Variants in MSI2 observed in about 807,000 individuals in gnomAD.
MSI2 encodes musashi RNA binding protein 2.
In MSI2, 17 loss-of-function variants were observed where a neutral mutation model predicts 45.6. The observed-to-expected ratio is 0.37, with a 90% confidence interval of 0.26 to 0.56. MSI2 has a LOEUF of 0.56. Ranked by LOEUF, MSI2 falls within the 20% of genes least tolerant of loss-of-function variation. MSI2 has a pLI of 0.77. For missense variants in MSI2, 293 were observed against 444.2 expected (o/e 0.66, Z 3.06); for synonymous variants, 156 against 158.2 (o/e 0.99, Z 0.11).
At chr17:57,554,465 T>C (rs928623611) in intron 7 of MSI2, among the ~76,000 whole-genome samples, 1 of 152,172 alleles carries the variant, frequency 6.6e-6, no homozygotes, top group Admixed American at 6.5e-5. Flanking sequence ...CCTCTCCTCC[T>C]CAGCAAGTAG....
intron 5 of MSI2, among the ~76,000 whole-genome samples, chr17:57,319,702 T>TC (rs34480223): frequency 6.6e-6 from 1 of 152,168 alleles, no homozygotes; most frequent in Non-Finnish European, 1.5e-5. Flanking sequence ...AGCCTCGACT[T>TC]CTGGGGCTTG....
chr17:57,411,320 T>C (rs2084192365), intron 6 of MSI2, among the ~76,000 whole-genome samples: 1 of 152,206 alleles, frequency 6.6e-6, no homozygotes, highest in South Asian at 2.1e-4. Flanking sequence ...TTTTATTCTT[T>C]AATAAGAGCA....
chr17:57,589,500 C>G (rs920984091), intron 7 of MSI2, among the ~76,000 whole-genome samples: 2 of 152,232 alleles, frequency 1.3e-5, no homozygotes, highest in African/African-American at 4.8e-5. Context: ...CTTGCCAAAC[C>G]TGCCATAGCT....
intron 6 of MSI2, among the ~76,000 whole-genome samples, chr17:57,460,589 T>C (rs1324458118): frequency 6.6e-6 from 1 of 152,054 alleles, no homozygotes; most frequent in Non-Finnish European, 1.5e-5. Flanking sequence ...GGGAGAGTAC[T>C]AATGGGACAT....
At chr17:57,503,629 G>T (rs1391347822) in intron 6 of MSI2, among the ~76,000 whole-genome samples, 2 of 152,226 alleles carry the variant, frequency 1.3e-5, no homozygotes, top group African/African-American at 4.8e-5. Context: ...ACGTTCATCC[G>T]TCAGTCAGTC....
chr17:57,443,332 C>T (rs575359505), intron 6 of MSI2, among the ~76,000 whole-genome samples: 113 of 152,284 alleles, frequency 7.4e-4, no homozygotes, highest in Non-Finnish European at 1.2e-3. Context: ...CCGTTTGTGC[C>T]GCGTGTTTGT....
At chr17:57,337,228 T>C (rs73995315) in intron 5 of MSI2, among the ~76,000 whole-genome samples, 2,497 of 152,320 alleles carry the variant, frequency 0.016, 70 homozygotes, top group African/African-American at 0.057. Flanking sequence ...AGTATTAGAC[T>C]AGGGCCCTGA....
At chr17:57,532,432 C>T (rs2086840854) in intron 7 of MSI2, 1 of 152,236 alleles carries the variant, frequency 6.6e-6, no homozygotes, top group African/African-American at 2.4e-5. Context: ...GTTCCAACCC[C>T]TCAAGATACC....
rs1382414181 is a variant in MSI2 at position 57,407,790 on chromosome 17, C to T, written c.405+6319C>T. 6.6e-6 allele frequency among the ~76,000 whole-genome samples: 1 copy of T among 152,214 alleles called. No homozygotes were observed. The highest frequency in any genetic ancestry group is 2.1e-4 in the South Asian group (1 of 4,832). ...CTACTTTTGTGTTTAAATTTTCTTC[C>T]TCTAATAGCCCAGAACAAAGCCAAC... On this transcript the variant is annotated intron_variant, in intron 6 of 13. Coordinates refer to ENST00000284073, the MANE Select transcript of MSI2 (RefSeq NM_138962.4). The surrounding 1 kb of genome is among the most constrained non-coding windows in gnomAD (Gnocchi z 4.1).
At chr17:57,502,614 T>TAG (rs2086135623) in intron 6 of MSI2, among the ~76,000 whole-genome samples, 1 of 108,568 alleles carries the variant, frequency 9.2e-6, no homozygotes, top group Non-Finnish European at 1.9e-5. Context: ...TATATATATA[T>TAG]ATATATATAT....
chr17:57,374,534 T>C (rs898662737), intron 5 of MSI2, among the ~76,000 whole-genome samples: 1 of 152,138 alleles, frequency 6.6e-6, no homozygotes, highest in East Asian at 1.9e-4. Context: ...CCCAGCACTT[T>C]GGGAGGCTGA....
intron 5 of MSI2, among the ~76,000 whole-genome samples, chr17:57,291,477 C>T (rs912590025): frequency 9.9e-5 from 15 of 152,176 alleles, no homozygotes; most frequent in Non-Finnish European, 2.1e-4. Flanking sequence ...ATAATATATA[C>T]AGGTGCTCCT....
intron 5 of MSI2, among the ~76,000 whole-genome samples, chr17:57,370,691 C>T (rs1734169927): frequency 6.6e-6 from 1 of 152,208 alleles, no homozygotes; most frequent in Non-Finnish European, 1.5e-5. Context: ...GATTTAACCT[C>T]TGTGAGCTGT....
intron 7 of MSI2, among the ~76,000 whole-genome samples, chr17:57,570,143 C>G (rs539739554): frequency 6.6e-6 from 1 of 152,224 alleles, no homozygotes; most frequent in East Asian, 1.9e-4. Flanking sequence ...CATAGTATTG[C>G]ACAAAAAAGC....
intron 5 of MSI2, among the ~76,000 whole-genome samples, chr17:57,273,473 TTTTTTTTTC>T (rs1453511000): frequency 7.1e-6 from 1 of 140,626 alleles, no homozygotes; most frequent in Non-Finnish European, 1.6e-5. Context: ...GATTTTTTTT[TTTTTTTTTC>T]TTTTACTGGA....
intron 7 of MSI2, among the ~76,000 whole-genome samples, chr17:57,565,119 G>C (rs1269916693): frequency 1.3e-5 from 2 of 152,162 alleles, no homozygotes; most frequent in African/African-American, 4.8e-5. Context: ...CATCAAAGGT[G>C]GTCTGACTTG....
chr17:57,632,109 G>A, intron 10 of MSI2: 2 of 1,244,826 alleles, frequency 1.6e-6, no homozygotes, highest in Non-Finnish European at 2.0e-6. Flanking sequence ...GGGGCCAGAG[G>A]GAAACTTCTC....
intron 7 of MSI2, among the ~76,000 whole-genome samples, chr17:57,559,061 T>TA (rs1250096015): frequency 4.0e-5 from 6 of 151,002 alleles, no homozygotes; most frequent in Non-Finnish European, 8.9e-5. Context: ...AGACTCCATC[T>TA]AAAAAAAAAG....
At chr17:57,674,756 A>G (rs1913095656) in intron 11 of MSI2, among the ~76,000 whole-genome samples, 1 of 152,182 alleles carries the variant, frequency 6.6e-6, no homozygotes, top group Non-Finnish European at 1.5e-5. Flanking sequence ...TCTTAGTAGT[A>G]GCCTGGGCTG....
Sources: gnomAD v4.1 joint callset for allele counts (sites outside exome capture counted in the v4.1 genomes callset) on GRCh38, gnomAD v4.1.1 for gene constraint, Gnocchi (gnomAD v3.1) non-coding constraint, MANE v1.5 for transcripts, NCBI Gene and HGNC (gene_info 2026-07-23, HGNC 2026-07-21) for gene names.